SYNE1: variants seen among roughly 807,000 people sequenced by gnomAD.
SYNE1 encodes spectrin repeat containing nuclear envelope protein 1.
Under a neutral mutation model 1,111.0 loss-of-function variants are expected in SYNE1, and 616 were observed. That is an observed-to-expected ratio of 0.55 (90% confidence interval 0.52 to 0.59). The LOEUF (loss-of-function observed/expected upper bound fraction) is 0.59, where lower values mean the gene tolerates loss of function less well. Ranked by LOEUF, SYNE1 falls within the 20% of genes least tolerant of loss-of-function variation. The pLI, the probability that SYNE1 is intolerant of heterozygous loss-of-function variation, is 0.00. For synonymous variants in SYNE1, 3,855 were observed against 3,825.8 expected (o/e 1.01, Z -0.28); for missense variants, 10,006 against 10,417.0 (o/e 0.96, Z 1.72).
chr6:152,571,083 T>C (rs1481388271), intron 3 of SYNE1, among the ~76,000 whole-genome samples: 1 of 152,198 alleles, frequency 6.6e-6, no homozygotes, highest in Non-Finnish European at 1.5e-5. Flanking sequence ...TACACAGTAA[T>C]ACAGAGATAT....
chr6:152,392,426 T>C (rs1309452622), intron 51 of SYNE1, among the ~76,000 whole-genome samples: 3 of 152,134 alleles, frequency 2.0e-5, no homozygotes, highest in African/African-American at 7.2e-5. Context: ...TTTTATAGAG[T>C]TCTGAATTCT....
chr6:152,218,191 CA>C (rs1318602350), intron 121 of SYNE1, 65 bp downstream of exon 121: 27,930 of 1,014,646 alleles, frequency 0.028, no homozygotes, highest in East Asian at 0.033. Context: ...GACTCCATCT[CA>C]AAAAAAAAAA....
chr6:152,560,986 TTCC>T (rs1316708030), intron 3 of SYNE1, among the ~76,000 whole-genome samples: 1 of 152,142 alleles, frequency 6.6e-6, no homozygotes, highest in African/African-American at 2.4e-5. Flanking sequence ...TTGAACATTT[TTCC>T]TCCAAGATCA....
chr6:152,226,170 T>C lies in SYNE1; in HGVS notation c.21196-294A>G, dbSNP rs558409296. On this transcript the variant is annotated intron_variant, in intron 115 of 145. Coordinates refer to ENST00000367255, the MANE Select transcript of SYNE1 (RefSeq NM_182961.4). ...TCTCAAGAGGCTGTGAGGAAAGAAA[T>C]ACATGTCAGAAACTGTAATATTATT... 2.0e-5 allele frequency among the ~76,000 whole-genome samples: 3 copies of C among 152,288 alleles called. No homozygotes were observed. The South Asian group carries it at 6.2e-4, about 32-fold the overall frequency.
chr6:152,412,913 G>A (rs1043580477), intron 42 of SYNE1, among the ~76,000 whole-genome samples: 5 of 147,190 alleles, frequency 3.4e-5, no homozygotes, highest in Admixed American at 6.8e-5. Flanking sequence ...ATGCTGTGGC[G>A]CAATCTTGGC....
At chr6:152,125,217 G>T in intron 145 of SYNE1, 1 of 1,534,430 alleles carries the variant, frequency 6.5e-7, no homozygotes, top group Non-Finnish European at 8.8e-7. Context: ...TTTGCTGGTT[G>T]GTGATAGGAA....
chr6:152,331,362 C>A lies in SYNE1; in HGVS notation c.13323G>T (p.Val4441=), dbSNP rs770562637. ...TGTTTAAGTACTTTCTTCGCTGGCCCACTAAGTCACTGAGACAATTCACGT... is the reference window on the plus strand; with the variant it reads ...TGTTTAAGTACTTTCTTCGCTGGCCAACTAAGTCACTGAGACAATTCACGT... ...QSHVNCLSDL[V]GQRRKYLNKA... Residue 4441 remains valine, a synonymous_variant, in exon 78 of 146, where the codon GTG becomes GTT. Transcript: ENST00000367255. 3 of 1,614,174 alleles carry A rather than the reference C, an allele frequency of 1.9e-6. No individual in the cohort carries two copies. Among genetic ancestry groups the A allele is most frequent in the Admixed American group, 1.7e-5 (1 of 60,012 alleles).
chr6:152,153,477 T>C (rs1026613105), intron 133 of SYNE1, among the ~76,000 whole-genome samples: 1 of 152,210 alleles, frequency 6.6e-6, no homozygotes, highest in African/African-American at 2.4e-5. Flanking sequence ...AATAATAAAA[T>C]CAATCATTAT....
At chr6:152,485,932 C>T (rs1564383768) in intron 12 of SYNE1, among the ~76,000 whole-genome samples, 1 of 152,154 alleles carries the variant, frequency 6.6e-6, no homozygotes, top group Non-Finnish European at 1.5e-5. Context: ...CACGGTGGCT[C>T]ACACCTGTAA....
chr6:152,246,657 A>AATC (rs1363216495), intron 105 of SYNE1, among the ~76,000 whole-genome samples: 1 of 152,220 alleles, frequency 6.6e-6, no homozygotes, highest in East Asian at 1.9e-4. Context: ...GTATTAAATA[A>AATC]ATCATTAGAA....
rs2080017469 is a variant in SYNE1, at chr6:152,220,852, T to G, written c.21851A>C (p.Gln7284Pro). ...AGCTCCTGAACATACGTTGCAATCT[T>G]GAATCCATGTGGCAACCTCATCATC... ...IADDEVATWI[Q>P]DCNDLLKGLG... Residue 7284 changes from glutamine (Q) to proline (P), a missense_variant, in exon 119 of 146, where the codon CAA (glutamine) becomes CCA (proline). Transcript: ENST00000367255. 6.2e-7 allele frequency: 1 copy of G among 1,613,694 alleles called. No individual in the cohort carries two copies. The highest frequency in any genetic ancestry group is 1.3e-5 in the African/African-American group (1 of 74,932).
At chr6:152,252,507 A>C (rs963133640) in intron 104 of SYNE1, among the ~76,000 whole-genome samples, 1 of 152,238 alleles carries the variant, frequency 6.6e-6, no homozygotes, top group Non-Finnish European at 1.5e-5. Context: ...GTACATCTAC[A>C]TAACATCTAT....
Position 152,295,825 on chromosome 6 carries a change from T to C in SYNE1, c.17683-1698A>G, listed in dbSNP as rs1319433714. Reference sequence around the variant, plus strand: ...CCATAAACTGCTTTTTCAAGGATCTTGGTCTATTAACATCCTCTCTGGCTT... The same window carrying C: ...CCATAAACTGCTTTTTCAAGGATCTCGGTCTATTAACATCCTCTCTGGCTT... On this transcript the variant is annotated intron_variant, in intron 93 of 145. Transcript: ENST00000367255. 4.6e-5 allele frequency among the ~76,000 whole-genome samples: 7 copies of C among 152,214 alleles called. No individual in the cohort carries two copies. In the East Asian group the frequency reaches 1.3e-3, roughly 29 times the overall value.
rs1261076326 is a variant in SYNE1, at chr6:152,362,572, A to G, written c.10146-249T>C. 4.6e-5 allele frequency among the ~76,000 whole-genome samples: 7 copies of G among 152,214 alleles called. 1 individual carries two copies. The highest frequency in any genetic ancestry group is 3.9e-4 in the East Asian group (2 of 5,166). On this transcript the variant is annotated intron_variant, in intron 63 of 145. Transcript: ENST00000367255. ...ACATGGAACTAGCTATCAACTCAAG[A>G]GTCAGCGGCTGGGGGGACACGAGAC... is the stretch of plus-strand genomic sequence containing the variant.
chr6:152,324,983 C>G, intron 81 of SYNE1, 101 bp downstream of exon 81: 2 of 1,379,780 alleles, frequency 1.4e-6, no homozygotes, highest in Admixed American at 1.7e-5. Flanking sequence ...GCCTTTATTA[C>G]TTTCATAAGG....
chr6:152,283,842 C>A, intron 96 of SYNE1, 136 bp downstream of exon 96: 1 of 813,946 alleles, frequency 1.2e-6, no homozygotes, highest in South Asian at 1.5e-5. Context: ...GCCGTGGAGA[C>A]CATTCTTGAA....
chr6:152,419,786 T>C, intron 39 of SYNE1, 64 bp from the exon 40 acceptor site: 1 of 1,581,416 alleles, frequency 6.3e-7, no homozygotes, highest in Non-Finnish European at 8.7e-7. Context: ...TAATGATGTA[T>C]TTTGGGAATT....
chr6:152,183,882 A>C (rs1296564387), intron 128 of SYNE1, among the ~76,000 whole-genome samples: 1 of 152,234 alleles, frequency 6.6e-6, no homozygotes, highest in African/African-American at 2.4e-5. Flanking sequence ...AGTCTTTGAC[A>C]TGGGGTGCAA....
intron 56 of SYNE1, among the ~76,000 whole-genome samples, chr6:152,379,948 G>A (rs932412158): frequency 6.6e-6 from 1 of 152,170 alleles, no homozygotes; most frequent in Non-Finnish European, 1.5e-5. Context: ...AAGTGTAACT[G>A]ATTTTTTCAT....
Sources: allele counts gnomAD v4.1 joint callset (sites outside exome capture counted in the v4.1 genomes callset), GRCh38; gene constraint gnomAD v4.1.1; transcripts MANE v1.5; gene names NCBI Gene and HGNC (gene_info 2026-07-23, HGNC 2026-07-21).